The following TNS3 variants were observed in gnomAD, a reference collection of about 807,000 sequenced individuals.
TNS3 encodes the protein tensin 3.
TNS3 carries 45 observed loss-of-function variants against 140.9 expected under a neutral mutation model. That is an observed-to-expected ratio of 0.32 (90% CI 0.25 to 0.41). The LOEUF (loss-of-function observed/expected upper bound fraction) is 0.41, where lower values mean the gene tolerates loss of function less well. Ranked by LOEUF, TNS3 falls within the 10% of genes least tolerant of loss-of-function variation. The pLI, the probability that TNS3 is intolerant of heterozygous loss-of-function variation, is 1.00. For missense variants in TNS3, 1,716 were observed against 1,906.7 expected (o/e 0.90, Z 1.86); for synonymous variants, 815 against 788.4 (o/e 1.03, Z -0.56).
At chr7:47,325,888 G>C (rs549399137) in intron 20 of TNS3, among the ~76,000 whole-genome samples, 3 of 152,162 alleles carry the variant, frequency 2.0e-5, no homozygotes, top group East Asian at 1.9e-4. Context: ...AAACAGAAGG[G>C]TAGAGGAGAG....
chr7:47,400,323 C>T lies in TNS3; in HGVS notation c.919+70G>A, dbSNP rs181436295. The T allele has an allele frequency of 6.5e-4, 823 of 1,272,608 alleles. 6 individuals carry two copies. The African/African-American group carries it at 0.011, about 17-fold the overall frequency. 78.8% of individuals were successfully genotyped at this position (1,272,608 alleles called of 1,614,324 possible). ...AAGGCAGGAGACTAGTACTACAGCC[C>T]CAGCGTAGCCATCATGCACCTTTCA... On this transcript the variant is annotated intron_variant, in intron 15 of 30. Coordinates refer to ENST00000311160, the MANE Select transcript of TNS3 (RefSeq NM_022748.12).
intron 20 of TNS3, among the ~76,000 whole-genome samples, chr7:47,306,554 C>A (rs923639638): frequency 6.6e-6 from 1 of 151,976 alleles, no homozygotes; most frequent in Non-Finnish European, 1.5e-5. Context: ...AGCACGAATT[C>A]TTTTCCTAAG....
chr7:47,442,251 G>A (rs773031475), intron 4 of TNS3, among the ~76,000 whole-genome samples, 196 bp from the exon 5 acceptor site: 7 of 152,160 alleles, frequency 4.6e-5, no homozygotes, highest in Non-Finnish European at 8.8e-5. Flanking sequence ...ACCAGAGGAC[G>A]CAGTGCCACT....
intron 2 of TNS3, among the ~76,000 whole-genome samples, chr7:47,527,448 C>T (rs1002867271): frequency 6.6e-5 from 10 of 152,042 alleles, no homozygotes; most frequent in East Asian, 3.9e-4. Flanking sequence ...GACGCCTGTC[C>T]GAGAGCATCA....
chr7:47,454,342 C>CCT (rs1562763159), intron 4 of TNS3, among the ~76,000 whole-genome samples: 1 of 152,134 alleles, frequency 6.6e-6, no homozygotes, highest in East Asian at 1.9e-4. Context: ...ACCACCTGTC[C>CCT]CTTTACTGGC....
intron 12 of TNS3, among the ~76,000 whole-genome samples, chr7:47,413,400 G>A (rs1186682093): frequency 6.6e-5 from 10 of 151,408 alleles, no homozygotes; most frequent in South Asian, 6.3e-4. Context: ...ACAGATGCAC[G>A]ACCCCAAGAC....
At chr7:47,401,028 C>A in intron 13 of TNS3, 114 bp from the exon 14 acceptor site, 1 of 1,469,286 alleles carries the variant, frequency 6.8e-7, no homozygotes. Context: ...TGGACTCTGG[C>A]TGGGAGTTCA....
chr7:47,346,574 T>G (rs1164309398), intron 17 of TNS3, among the ~76,000 whole-genome samples: 2 of 152,156 alleles, frequency 1.3e-5, no homozygotes, highest in Non-Finnish European at 2.9e-5. Context: ...CTTGGAAATG[T>G]GCAGCTTCCC....
intron 24 of TNS3, among the ~76,000 whole-genome samples, chr7:47,294,792 T>C (rs576522437): frequency 1.3e-5 from 2 of 152,302 alleles, no homozygotes; most frequent in South Asian, 4.1e-4. Context: ...AAAGGCTGTG[T>C]TGAATTAAAG....
intron 12 of TNS3, among the ~76,000 whole-genome samples, chr7:47,412,866 G>A (rs1251335306): frequency 2.6e-5 from 4 of 152,180 alleles, no homozygotes; most frequent in African/African-American, 9.7e-5. Context: ...ATTGAATTAG[G>A]TATTGTTATG....
At chr7:47,455,202 G>A (rs1397185650) in intron 4 of TNS3, among the ~76,000 whole-genome samples, 2 of 152,134 alleles carry the variant, frequency 1.3e-5, no homozygotes, top group Admixed American at 6.5e-5. Flanking sequence ...GCAGCCAGCT[G>A]GTTCCATACA....
At chr7:47,450,346 G>A (rs1795959718) in intron 4 of TNS3, among the ~76,000 whole-genome samples, 1 of 152,206 alleles carries the variant, frequency 6.6e-6, no homozygotes, top group Non-Finnish European at 1.5e-5. Flanking sequence ...TAGGAAGACA[G>A]TGCCCACAGA....
At chr7:47,450,311 T>A (rs1467070) in intron 4 of TNS3, among the ~76,000 whole-genome samples, 57,387 of 152,116 alleles carry the variant, frequency 0.38, 12,004 homozygotes, top group Non-Finnish European at 0.46. Context: ...CCCAAGGTCA[T>A]AACATGGAAT....
At chr7:47,502,385 T>C (rs1053288994) in intron 3 of TNS3, among the ~76,000 whole-genome samples, 6 of 152,222 alleles carry the variant, frequency 3.9e-5, no homozygotes, top group Non-Finnish European at 7.3e-5. Flanking sequence ...TGAGCGTCTG[T>C]TGACGCCCAG....
At chr7:47,323,289 A>G (rs1787852966) in intron 20 of TNS3, among the ~76,000 whole-genome samples, 1 of 152,188 alleles carries the variant, frequency 6.6e-6, no homozygotes, top group African/African-American at 2.4e-5. Context: ...AGAAACCCAA[A>G]CCAAAGAGGC....
At chr7:47,410,572 ATCC>A (rs1793712530) in intron 13 of TNS3, among the ~76,000 whole-genome samples, 1 of 152,174 alleles carries the variant, frequency 6.6e-6, no homozygotes. Flanking sequence ...TCCACCTTCG[ATCC>A]TCGCTGATTT....
At chr7:47,385,370 C>T (rs1253070583) in intron 16 of TNS3, among the ~76,000 whole-genome samples, 1 of 152,220 alleles carries the variant, frequency 6.6e-6, no homozygotes, top group Non-Finnish European at 1.5e-5. Context: ...GAGCAGCACT[C>T]AGCAAGGGTG....
At chr7:47,383,278 GA>G (rs1360194573) in intron 16 of TNS3, among the ~76,000 whole-genome samples, 1 of 152,212 alleles carries the variant, frequency 6.6e-6, no homozygotes, top group Non-Finnish European at 1.5e-5. Flanking sequence ...CAGGCTGAGT[GA>G]AAGAAGCGAA....
intron 20 of TNS3, among the ~76,000 whole-genome samples, chr7:47,310,757 C>T (rs1268862655): frequency 6.6e-6 from 1 of 152,178 alleles, no homozygotes; most frequent in Non-Finnish European, 1.5e-5. Flanking sequence ...AAATGATGTT[C>T]CCTGCCCTGT....
Sources: allele counts gnomAD v4.1 joint callset (sites outside exome capture counted in the v4.1 genomes callset), GRCh38; gene constraint gnomAD v4.1.1; transcripts MANE v1.5; gene names NCBI Gene and HGNC (gene_info 2026-07-23, HGNC 2026-07-21).